The following RBM6 variants were observed in gnomAD, a reference collection of about 807,000 sequenced individuals.
The protein encoded by RBM6 is RNA-binding protein 6.
In RBM6, 23 loss-of-function variants were observed where a neutral mutation model predicts 140.4. That is an observed-to-expected ratio of 0.16 (90% CI 0.12 to 0.23). The LOEUF (loss-of-function observed/expected upper bound fraction) is 0.23, where lower values mean the gene tolerates loss of function less well. Among genes scored for constraint, RBM6 ranks in the 10% least tolerant of loss-of-function variants. The pLI is 1.00. For synonymous variants in RBM6, 439 were observed against 475.6 expected, an observed-to-expected ratio of 0.92 and a Z score of 1.00; for missense variants, 1,139 against 1,386.7, an observed-to-expected ratio of 0.82 and a Z score of 2.84.
At chr3:50,067,022 A>G (rs1256762415) in intron 17 of RBM6, among the ~76,000 whole-genome samples, 3 of 151,782 alleles carry the variant, frequency 2.0e-5, no homozygotes, top group Non-Finnish European at 4.4e-5. Context: ...AACTGTCTCT[A>G]CTAAAAATAC....
chr3:49,981,686 T>C (rs571747301), intron 5 of RBM6: 6 of 152,318 alleles, frequency 3.9e-5, no homozygotes, highest in African/African-American at 7.2e-5. Context: ...CTTATGACTT[T>C]AGTTATATGT....
Position 50,024,283 on chromosome 3 carries a change from A to G in RBM6, c.1558-23962A>G, listed in dbSNP as rs898822112. Among the ~76,000 whole-genome samples the G allele has an allele frequency of 2.5e-4, 38 of 152,210 alleles. 1 individual carries two copies. Among genetic ancestry groups the G allele is most frequent in the Middle Eastern group, 3.2e-3 (1 of 316 alleles). ...TTTCCCCTCCCTTTTATTGACGTAT[A>G]CATACAGAAAAGATATCATGTCGTA... On this transcript the variant is annotated intron_variant, in intron 6 of 20. Transcript: ENST00000266022.
In RBM6 at chr3:49,947,272, G is replaced by A. The variant is rs868844877; in HGVS notation, c.-67+7047G>A. On this transcript the variant is annotated intron_variant, in intron 1 of 20. Coordinates refer to ENST00000266022, the MANE Select transcript of RBM6 (RefSeq NM_005777.3). ...GTCTCAAAAAAAAAAAGGGGGGGGG[G>A]GGGGGTTTTGAGCTGGGTGTGCAGG... is the stretch of plus-strand genomic sequence containing the variant. Among the ~76,000 whole-genome samples, 72 of 121,016 alleles carry A rather than the reference G, an allele frequency of 5.9e-4. 2 individuals are homozygous for A. The highest frequency in any genetic ancestry group is 4.3e-3 in the Middle Eastern group (1 of 232). 79.4% of individuals were successfully genotyped at this position (121,016 alleles called of 152,430 possible).
chr3:50,069,939 G>T (rs1431894961), intron 18 of RBM6, among the ~76,000 whole-genome samples: 1 of 152,150 alleles, frequency 6.6e-6, no homozygotes, highest in East Asian at 1.9e-4. Flanking sequence ...AAAAGACAGC[G>T]GAACCAAGCG....
intron 19 of RBM6, among the ~76,000 whole-genome samples, chr3:50,072,741 A>C (rs567957223): frequency 5.9e-5 from 9 of 152,116 alleles, no homozygotes; most frequent in Non-Finnish European, 1.0e-4. Context: ...GTGACATTCC[A>C]TTGGGTCATT....
intron 7 of RBM6, among the ~76,000 whole-genome samples, chr3:50,053,183 C>T (rs1401233690): frequency 1.3e-5 from 2 of 151,976 alleles, no homozygotes; most frequent in South Asian, 2.1e-4. Flanking sequence ...TTGGGGTTGT[C>T]AGGATCAATA....
intron 5 of RBM6, among the ~76,000 whole-genome samples, chr3:49,986,382 C>G (rs1575615568): frequency 1.3e-5 from 2 of 151,694 alleles, no homozygotes; most frequent in Middle Eastern, 6.8e-3. Flanking sequence ...ATCATGAGGT[C>G]AGGAGATTGA....
rs544635676 is a variant in RBM6, at chr3:50,004,512, A to C, written c.1557+4999A>C. Among the ~76,000 whole-genome samples the C allele has an allele frequency of 7.7e-5, 11 of 142,000 alleles. No individual in the cohort carries two copies. The Admixed American group carries it at 7.9e-4, about 10-fold the overall frequency. 93.2% of individuals were successfully genotyped at this position (142,000 alleles called of 152,430 possible). On this transcript the variant is annotated intron_variant, in intron 6 of 20. Coordinates refer to ENST00000266022, the MANE Select transcript of RBM6 (RefSeq NM_005777.3). ...TTTTTTTGTAGAGGCAGGGTTTTGC[A>C]ACATTCCCCAGGCTGGTCTTGAACT...
intron 6 of RBM6, among the ~76,000 whole-genome samples, chr3:50,004,182 A>G (rs1360424761): frequency 6.6e-6 from 1 of 152,160 alleles, no homozygotes; most frequent in Non-Finnish European, 1.5e-5. Flanking sequence ...CAAATTAGTC[A>G]CTAAAGTGCC....
At position 50,058,560 on chromosome 3, in the gene RBM6, G is replaced by T. The variant is rs1335145402; in HGVS notation, c.2128G>T (p.Ala710Ser). The T allele has an allele frequency of 6.2e-7, 1 of 1,604,266 alleles. No individual in the cohort carries two copies. Among genetic ancestry groups the T allele is most frequent in the Non-Finnish European group, 8.5e-7 (1 of 1,171,482 alleles). ...TYGFIDLDSH[A>S]EALRVVKILQ... ...TGGCTTTATTGACCTCGACTCCCAT[G>T]CGGTGAGTTTCCTCCACCTTGGATT... Residue 710 changes from alanine to serine, a missense_variant and splice_region_variant, in exon 10 of 21, where the codon GCG becomes TCG. Ala to Ser is a moderately conservative substitution (Grantham distance 99). Around this residue, in one of 9 missense-constraint regions of RBM6, gnomAD observed 47 missense variants for 117.6 expected, o/e 0.40. Transcript: ENST00000266022.
At chr3:50,012,670 T>C (rs1575688077) in intron 6 of RBM6, among the ~76,000 whole-genome samples, 1 of 146,904 alleles carries the variant, frequency 6.8e-6, no homozygotes, top group Non-Finnish European at 1.5e-5. Flanking sequence ...TCCAATTTTT[T>C]ACAAAAGTGA....
intron 6 of RBM6, among the ~76,000 whole-genome samples, chr3:50,011,356 C>T (rs1376396207): frequency 1.3e-5 from 2 of 152,120 alleles, no homozygotes; most frequent in Non-Finnish European, 2.9e-5. Flanking sequence ...GTAGTTTATG[C>T]TCAGTAAGGT....
At chr3:50,059,244 C>G (rs2089841969) in intron 10 of RBM6, 1 of 153,876 alleles carries the variant, frequency 6.5e-6, no homozygotes, top group African/African-American at 2.4e-5. Context: ...TTTATAGATT[C>G]CTGTGGCTTA....
At chr3:49,986,916 G>A (rs1287941485) in intron 5 of RBM6, among the ~76,000 whole-genome samples, 2 of 151,910 alleles carry the variant, frequency 1.3e-5, no homozygotes, top group Non-Finnish European at 2.9e-5. Flanking sequence ...CTCCCTAGTA[G>A]CTGGGACTAT....
chr3:50,023,316 T>C (rs552471646), intron 6 of RBM6, among the ~76,000 whole-genome samples: 7 of 152,240 alleles, frequency 4.6e-5, no homozygotes, highest in Non-Finnish European at 7.4e-5. Flanking sequence ...TTCTTATTTA[T>C]TTATTTGAGA....
At position 50,077,041 on chromosome 3, in the gene RBM6, G is replaced by A; in HGVS notation, c.3280G>A (p.Ala1094Thr). 1.2e-6 allele frequency: 2 copies of A among 1,612,948 alleles called. No individual in the cohort carries two copies. The highest frequency in any genetic ancestry group is 2.2e-5 in the South Asian group (2 of 90,978). The change falls in exon 21 of 21, where the codon GCC becomes ACC. Residue 1094 changes from alanine (A) to threonine (T), a missense_variant. By Grantham distance (58) the Ala-to-Thr change is moderately conservative. This residue lies in a region of RBM6 where 125 missense variants were observed against 142.0 expected (regional missense o/e 0.88). Transcript: ENST00000266022. ...CCGGATGAGGGGCCCCAGTGTTGGAGCCTCAGGAAGAACCAGCAAAAGACA... is the reference window on the plus strand; with the variant it reads ...CCGGATGAGGGGCCCCAGTGTTGGAACCTCAGGAAGAACCAGCAAAAGACA... Reference protein sequence around the residue: ...EGRMRGPSVGASGRTSKRQSN... With the variant: ...EGRMRGPSVGTSGRTSKRQSN...
At chr3:50,048,624 T>A (rs2089325016) in intron 7 of RBM6, among the ~76,000 whole-genome samples, 1 of 152,164 alleles carries the variant, frequency 6.6e-6, no homozygotes, top group African/African-American at 2.4e-5. Context: ...TCACCTCTCC[T>A]GGGGGTGGTC....
At chr3:50,021,664 A>C (rs578070890) in intron 6 of RBM6, among the ~76,000 whole-genome samples, 1 of 151,196 alleles carries the variant, frequency 6.6e-6, no homozygotes, top group Non-Finnish European at 1.5e-5. Flanking sequence ...AAACAAATAA[A>C]ATACATACCT....
chr3:49,985,910 G>C (rs1420813151), intron 5 of RBM6, among the ~76,000 whole-genome samples: 1 of 151,978 alleles, frequency 6.6e-6, no homozygotes, highest in African/African-American at 2.4e-5. Context: ...CTGGCCTTAA[G>C]AATGAGTTGA....
Sources: allele counts gnomAD v4.1 joint callset (sites outside exome capture counted in the v4.1 genomes callset), GRCh38; gene constraint gnomAD v4.1.1; regional missense constraint gnomAD v4.1.1; transcripts MANE v1.5; gene names NCBI Gene and HGNC (gene_info 2026-07-23, HGNC 2026-07-21).